The following ARL13B variants were observed in gnomAD, a reference collection of about 807,000 sequenced individuals.
The protein encoded by ARL13B is ADP-ribosylation factor-like protein 13B.
ARL13B carries 36 observed loss-of-function variants against 56.1 expected under a neutral mutation model. That is an observed-to-expected ratio of 0.64 (90% CI 0.49 to 0.85). The LOEUF (loss-of-function observed/expected upper bound fraction) is 0.85. Among genes scored for constraint, ARL13B ranks in the 40% least tolerant of loss-of-function variants. The pLI, the probability that ARL13B is intolerant of heterozygous loss-of-function variation, is 0.00. For missense variants in ARL13B, 519 were observed against 507.1 expected (o/e 1.02, Z -0.23); for synonymous variants, 178 against 171.1 (o/e 1.04, Z -0.32).
chr3:93,996,823 G>A (rs1455144839), intron 2 of ARL13B: 1 of 164,280 alleles, frequency 6.1e-6, no homozygotes, highest in Non-Finnish European at 1.4e-5. Flanking sequence ...ATCTGTCTGT[G>A]GGCTGGTTCT....
intron 6 of ARL13B, among the ~76,000 whole-genome samples, chr3:94,042,318 C>T (rs1248728620): frequency 6.6e-6 from 1 of 151,852 alleles, no homozygotes; most frequent in Admixed American, 6.6e-5. Context: ...AATTTGCCTA[C>T]CCACTGACTC....
chr3:94,004,768 T>C (rs1375152973), intron 3 of ARL13B, among the ~76,000 whole-genome samples: 1 of 152,148 alleles, frequency 6.6e-6, no homozygotes, highest in Non-Finnish European at 1.5e-5. Context: ...CTGTATTATA[T>C]AATTTATTGC....
chr3:94,011,035 C>T (rs1477489024), intron 3 of ARL13B, among the ~76,000 whole-genome samples: 4 of 151,734 alleles, frequency 2.6e-5, no homozygotes, highest in East Asian at 1.9e-4. Flanking sequence ...ATATTTGAAG[C>T]GGAGATACGT....
chr3:94,014,389 T>G, intron 3 of ARL13B: 2 of 1,520,040 alleles, frequency 1.3e-6, no homozygotes, highest in Middle Eastern at 1.8e-4. Context: ...GCTTCTTTAT[T>G]TTGAGCTACA....
chr3:94,005,882 G>A (rs1161610810), intron 3 of ARL13B, among the ~76,000 whole-genome samples: 1 of 152,186 alleles, frequency 6.6e-6, no homozygotes, highest in Non-Finnish European at 1.5e-5. Context: ...TTGTGCATAT[G>A]TGGAAAAGAA....
At chr3:94,001,922 TTA>T (rs1037871647) in intron 2 of ARL13B, among the ~76,000 whole-genome samples, 8 of 152,220 alleles carry the variant, frequency 5.3e-5, no homozygotes, top group Non-Finnish European at 1.0e-4. Flanking sequence ...ATCATTCTGC[TTA>T]TATGTCTAAC....
intron 3 of ARL13B, among the ~76,000 whole-genome samples, chr3:94,009,430 G>T (rs188548239): frequency 7.5e-4 from 114 of 151,668 alleles, no homozygotes; most frequent in African/African-American, 2.7e-3. Context: ...GTCATATTCC[G>T]TATTGTAAGT....
Position 94,039,950 on chromosome 3 carries a change from A to G in ARL13B, c.760A>G (p.Thr254Ala), listed in dbSNP as rs775914819. 6.2e-7 allele frequency: 1 copy of G among 1,614,110 alleles called. No individual in the cohort carries two copies. The highest frequency in any genetic ancestry group is 1.1e-5 in the South Asian group (1 of 91,060). The change falls in exon 6 of 10, where the codon ACG becomes GCG. Residue 254 changes from threonine to alanine, a missense_variant. By Grantham distance (58) the Thr-to-Ala change is moderately conservative (BLOSUM62 0). Coordinates refer to ENST00000394222, the MANE Select transcript of ARL13B (RefSeq NM_001174150.2). ...TCTGGCTGAGTTGGACCCAGAACCA[A>G]CGAATCCTTTCCAGCCAATAGCATC... is the stretch of plus-strand genomic sequence containing the variant. ...SGLAELDPEP[T>A]NPFQPIASVI... is the part of the protein sequence containing the mutation.
intron 3 of ARL13B, among the ~76,000 whole-genome samples, chr3:94,008,428 C>T (rs958257742): frequency 1.3e-5 from 2 of 152,030 alleles, no homozygotes; most frequent in East Asian, 1.9e-4. Flanking sequence ...AAAAAGTAAA[C>T]AGGTTTTGCA....
At chr3:94,007,438 G>A (rs1184797686) in intron 3 of ARL13B, among the ~76,000 whole-genome samples, 4 of 152,172 alleles carry the variant, frequency 2.6e-5, no homozygotes, top group Non-Finnish European at 4.4e-5. Context: ...TCATGGTGCT[G>A]ATAAAGGCAT....
chr3:94,039,517 A>AAG (rs1193014885), intron 5 of ARL13B, among the ~76,000 whole-genome samples: 1 of 151,760 alleles, frequency 6.6e-6, no homozygotes, highest in African/African-American at 2.4e-5. Flanking sequence ...AAAAAAAAAA[A>AAG]AAAGAATAAT....
chr3:93,988,918 T>G (rs1207159552), intron 1 of ARL13B: 3 of 316,106 alleles, frequency 9.5e-6, no homozygotes, highest in Non-Finnish European at 1.9e-5. Flanking sequence ...CGCCACCCCT[T>G]CGGCTGAACT....
At chr3:93,987,321 C>G (rs1389477811) in intron 1 of ARL13B, among the ~76,000 whole-genome samples, 1 of 151,974 alleles carries the variant, frequency 6.6e-6, no homozygotes, top group Non-Finnish European at 1.5e-5. Flanking sequence ...ATTTGTATAT[C>G]CGTTATATAA....
intron 2 of ARL13B, among the ~76,000 whole-genome samples, chr3:93,997,225 T>G (rs1025964807): frequency 5.9e-5 from 9 of 152,178 alleles, no homozygotes; most frequent in Admixed American, 1.3e-4. Flanking sequence ...TGAATCATCC[T>G]GAAACCACCT....
At chr3:94,040,042 G>A in intron 6 of ARL13B, 54 bp downstream of exon 6, 1 of 1,498,292 alleles carries the variant, frequency 6.7e-7, no homozygotes, top group Non-Finnish European at 9.2e-7. Context: ...GTTGGAACTT[G>A]GAAAAGAAGG....
At position 94,051,920 on chromosome 3, in the gene ARL13B, T is replaced by A. The variant is rs550708050; in HGVS notation, c.1210+1028T>A. 8.9e-5 allele frequency among the ~76,000 whole-genome samples: 13 copies of A among 146,072 alleles called. No individual in the cohort carries two copies. In the East Asian group the frequency reaches 2.4e-3, roughly 27 times the overall value. On this transcript the variant is annotated intron_variant, in intron 9 of 9. Transcript: ENST00000394222. Reference sequence around the variant, plus strand: ...ATAATCGTTAGTGAAAATTCATGAATTTTTTTTTTTTTAAAGACAGAAAAG... The same window carrying A: ...ATAATCGTTAGTGAAAATTCATGAAATTTTTTTTTTTTAAAGACAGAAAAG...
At chr3:93,980,609 C>T in intron 1 of ARL13B, 127 bp downstream of exon 1, 4 of 1,176,854 alleles carry the variant, frequency 3.4e-6, no homozygotes, top group Non-Finnish European at 4.8e-6. Context: ...CTTTCATTCC[C>T]AGGGTGTCCC....
intron 2 of ARL13B, among the ~76,000 whole-genome samples, chr3:94,001,434 G>C (rs2076054080): frequency 6.6e-6 from 1 of 152,028 alleles, no homozygotes; most frequent in Non-Finnish European, 1.5e-5. Context: ...TCCCTTCTCT[G>C]TTACAATTAT....
intron 3 of ARL13B, chr3:94,014,963 CT>C (rs1351998563): frequency 6.2e-7 from 1 of 1,613,934 alleles, no homozygotes; most frequent in South Asian, 1.1e-5. Flanking sequence ...TTGATGTATT[CT>C]GCCTGAATTT....
Sources: allele counts gnomAD v4.1 joint callset (sites outside exome capture counted in the v4.1 genomes callset), GRCh38; gene constraint gnomAD v4.1.1; transcripts MANE v1.5; gene names NCBI Gene and HGNC (gene_info 2026-07-23, HGNC 2026-07-21).